Variants in ZNF804B observed in about 807,000 individuals in gnomAD.
ZNF804B encodes zinc finger 804B.
ZNF804B carries 80 observed loss-of-function variants against 101.4 expected under a neutral mutation model. That is an observed-to-expected ratio of 0.79 (90% CI 0.66 to 0.95). The LOEUF (loss-of-function observed/expected upper bound fraction) is 0.95. ZNF804B is among the 40% of genes least tolerant of loss of function. The pLI is 0.00. For synonymous variants in ZNF804B, 622 were observed against 558.8 expected (o/e 1.11, Z -1.59); for missense variants, 1,673 against 1,561.9 (o/e 1.07, Z -1.20).
At chr7:89,031,486 T>G (rs1264783577) in intron 1 of ZNF804B, among the ~76,000 whole-genome samples, 1 of 152,048 alleles carries the variant, frequency 6.6e-6, no homozygotes, top group Non-Finnish European at 1.5e-5. Context: ...AGAAGACAAA[T>G]AAAATTTTGT....
At chr7:89,332,381 A>G (rs937555464) in intron 3 of ZNF804B, among the ~76,000 whole-genome samples, 124 of 152,020 alleles carry the variant, frequency 8.2e-4, no homozygotes, top group African/African-American at 3.0e-3. Flanking sequence ...CAAGCAACAA[A>G]TGACTAGAGG....
At chr7:88,763,421 T>C (rs1789927687) in intron 1 of ZNF804B, among the ~76,000 whole-genome samples, 1 of 152,144 alleles carries the variant, frequency 6.6e-6, no homozygotes, top group Non-Finnish European at 1.5e-5. Context: ...TGGTAATGTC[T>C]TTTATCTATT....
At chr7:89,332,942 CAAATTTAAAAA>C (rs1791009945) in intron 3 of ZNF804B, among the ~76,000 whole-genome samples, 1 of 151,562 alleles carries the variant, frequency 6.6e-6, no homozygotes, top group Non-Finnish European at 1.5e-5. Context: ...CACATAAAAG[CAAATTTAAAAA>C]AATTTTTATA....
chr7:89,145,099 C>G (rs1790773182), intron 1 of ZNF804B, among the ~76,000 whole-genome samples: 2 of 151,626 alleles, frequency 1.3e-5, no homozygotes, highest in Non-Finnish European at 2.9e-5. Flanking sequence ...GAGTGAGACT[C>G]TGTCTCAAAT....
intron 2 of ZNF804B, among the ~76,000 whole-genome samples, chr7:89,245,787 G>A (rs1789435858): frequency 6.6e-6 from 1 of 152,086 alleles, no homozygotes; most frequent in South Asian, 2.1e-4. Flanking sequence ...AGGAGAACAT[G>A]AGCAAAAAGC....
At chr7:89,027,089 T>A (rs1788763226) in intron 1 of ZNF804B, among the ~76,000 whole-genome samples, 1 of 151,988 alleles carries the variant, frequency 6.6e-6, no homozygotes, top group South Asian at 2.1e-4. Context: ...AGAAAGTGAT[T>A]ATAAAAAACC....
intron 1 of ZNF804B, among the ~76,000 whole-genome samples, chr7:89,097,482 A>G (rs1453765087): frequency 6.6e-6 from 1 of 152,242 alleles, no homozygotes; most frequent in Non-Finnish European, 1.5e-5. Context: ...AAATCATTTT[A>G]AATGAAGGCA....
chr7:89,147,083 G>GTATATATATATATATA (rs147620052), intron 1 of ZNF804B, among the ~76,000 whole-genome samples: 1,598 of 139,938 alleles, frequency 0.011, 15 homozygotes, highest in African/African-American at 0.025. Context: ...GGATAATCAG[G>GTATATATATATATATA]TATATATATA....
At chr7:89,163,621 C>T (rs776436828) in intron 1 of ZNF804B, among the ~76,000 whole-genome samples, 9 of 151,678 alleles carry the variant, frequency 5.9e-5, no homozygotes, top group Non-Finnish European at 1.2e-4. Flanking sequence ...AGTAATAAGT[C>T]TAGTCAAAAG....
intron 1 of ZNF804B, among the ~76,000 whole-genome samples, chr7:88,978,289 C>G (rs1164701497): frequency 1.3e-5 from 2 of 151,700 alleles, no homozygotes; most frequent in African/African-American, 4.8e-5. Context: ...GATTTTCTGC[C>G]TGGAAAATCT....
At chr7:88,818,619 G>T (rs1297584705) in intron 1 of ZNF804B, among the ~76,000 whole-genome samples, 1 of 152,180 alleles carries the variant, frequency 6.6e-6, no homozygotes, top group Non-Finnish European at 1.5e-5. Flanking sequence ...TCCAACAGGA[G>T]ATTTGATTAT....
At chr7:88,954,024 T>C (rs1248004108) in intron 1 of ZNF804B, among the ~76,000 whole-genome samples, 1 of 151,746 alleles carries the variant, frequency 6.6e-6, no homozygotes, top group Admixed American at 6.6e-5. Flanking sequence ...TGAAATGAAA[T>C]TGCTATATTA....
At chr7:89,308,683 A>G (rs76130530) in intron 2 of ZNF804B, among the ~76,000 whole-genome samples, 1,584 of 152,268 alleles carry the variant, frequency 0.01, 34 homozygotes, top group African/African-American at 0.037. Flanking sequence ...TCCTGAACTA[A>G]CAAGAACAGG....
Position 88,862,112 on chromosome 7 carries a change from C to T in ZNF804B, c.108+102028C>T, listed in dbSNP as rs369765345. On this transcript the variant is annotated intron_variant, in intron 1 of 3. Transcript: ENST00000333190. ...AAATAACGTACTCAGTTTAATAGAACTTTTGGGTTGAATTATGTGCTTTCA... is the reference window on the plus strand; with the variant it reads ...AAATAACGTACTCAGTTTAATAGAATTTTTGGGTTGAATTATGTGCTTTCA... Among the ~76,000 whole-genome samples the T allele has an allele frequency of 3.7e-4, 56 of 152,258 alleles. No individual in the cohort carries two copies. The East Asian group carries it at 5.8e-3, about 16-fold the overall frequency.
Position 89,078,997 on chromosome 7 carries a change from T to C in ZNF804B, c.109-139158T>C, listed in dbSNP as rs534357189. On this transcript the variant is annotated intron_variant, in intron 1 of 3. Coordinates refer to ENST00000333190, the MANE Select transcript of ZNF804B (RefSeq NM_181646.5). Reference sequence around the variant, plus strand: ...GTTCTTGTTACTCTTTTTCCATGCTTTTATACTTCTAATTTTTAAAATCCA... The same window carrying C: ...GTTCTTGTTACTCTTTTTCCATGCTCTTATACTTCTAATTTTTAAAATCCA... Among the ~76,000 whole-genome samples the C allele has an allele frequency of 6.6e-5, 10 of 152,082 alleles. No individual in the cohort carries two copies. The South Asian group carries it at 2.1e-3, about 31-fold the overall frequency.
At chr7:88,861,231 T>C (rs1468302750) in intron 1 of ZNF804B, among the ~76,000 whole-genome samples, 2 of 152,212 alleles carry the variant, frequency 1.3e-5, no homozygotes, top group East Asian at 1.9e-4. Flanking sequence ...GCTTATAACA[T>C]TAATGGCTAC....
intron 1 of ZNF804B, among the ~76,000 whole-genome samples, chr7:88,880,475 T>C (rs569012057): frequency 2.6e-5 from 4 of 152,330 alleles, no homozygotes; most frequent in South Asian, 2.1e-4. Context: ...ATCTGTTGGA[T>C]TGTCATTTTC....
intron 1 of ZNF804B, among the ~76,000 whole-genome samples, chr7:88,930,723 G>A (rs867723596): frequency 2.6e-5 from 4 of 151,774 alleles, no homozygotes; most frequent in Admixed American, 6.6e-5. Context: ...TCAAGACAGC[G>A]TTCACCAGGG....
At chr7:89,128,759 A>G (rs1430328967) in intron 1 of ZNF804B, among the ~76,000 whole-genome samples, 1 of 152,032 alleles carries the variant, frequency 6.6e-6, no homozygotes, top group Non-Finnish European at 1.5e-5. Flanking sequence ...TAACTAAATC[A>G]CTATCTTTGC....
Sources: gnomAD v4.1 joint callset for allele counts (sites outside exome capture counted in the v4.1 genomes callset) on GRCh38, gnomAD v4.1.1 for gene constraint, MANE v1.5 for transcripts, NCBI Gene and HGNC (gene_info 2026-07-23, HGNC 2026-07-21) for gene names.